The following ASIC2 variants were observed in gnomAD, a reference collection of about 807,000 sequenced individuals.
ASIC2 encodes acid sensing ion channel subunit 2, also known as acid-sensing ion channel 2.
In ASIC2, 25 loss-of-function variants were observed where a neutral mutation model predicts 57.3. The ratio of observed to expected loss-of-function variants is 0.44; its 90% CI spans 0.32 to 0.61. ASIC2 has a LOEUF of 0.61. ASIC2 is among the 20% of genes least tolerant of loss of function. The pLI is 0.06. For synonymous variants in ASIC2, 319 were observed against 307.5 expected, an observed-to-expected ratio of 1.04 and a Z score of -0.39; for missense variants, 641 against 738.1, an observed-to-expected ratio of 0.87 and a Z score of 1.52.
intron 1 of ASIC2, among the ~76,000 whole-genome samples, chr17:33,354,249 G>A (rs1908292920): frequency 6.6e-6 from 1 of 152,102 alleles, no homozygotes; most frequent in Non-Finnish European, 1.5e-5. Flanking sequence ...TATCACATGA[G>A]TCTCCTCAAG....
At chr17:33,400,184 A>G (rs1910232232) in intron 1 of ASIC2, among the ~76,000 whole-genome samples, 2 of 152,202 alleles carry the variant, frequency 1.3e-5, no homozygotes, top group Non-Finnish European at 2.9e-5. Context: ...GGTAGGATAT[A>G]TGGAAGGGAC....
intron 1 of ASIC2, chr17:33,793,436 A>T (rs1911828488): frequency 6.6e-6 from 1 of 152,240 alleles, no homozygotes; most frequent in Non-Finnish European, 1.5e-5. Flanking sequence ...GTACTTACTA[A>T]GTGCTGTGTG....
chr17:33,124,675 G>T (rs1237003669), intron 1 of ASIC2, among the ~76,000 whole-genome samples: 3 of 152,196 alleles, frequency 2.0e-5, no homozygotes, highest in Non-Finnish European at 4.4e-5. Flanking sequence ...CTGGTTTCAT[G>T]GGAGACAATT....
At chr17:33,661,204 G>A (rs969955591) in intron 1 of ASIC2, among the ~76,000 whole-genome samples, 7 of 152,314 alleles carry the variant, frequency 4.6e-5, no homozygotes, top group African/African-American at 1.7e-4. Flanking sequence ...GCCTCCAAGA[G>A]CAAGCACCCT....
intron 2 of ASIC2, 92 bp downstream of exon 2, chr17:33,111,825 A>C (rs1017140866): frequency 1.2e-4 from 183 of 1,491,606 alleles, no homozygotes; most frequent in Middle Eastern, 2.4e-4. Flanking sequence ...GCAGTCCCTC[A>C]CAGGGTGGGC....
chr17:33,849,932 T>A (rs1252241709), intron 1 of ASIC2, among the ~76,000 whole-genome samples: 1 of 152,208 alleles, frequency 6.6e-6, no homozygotes, highest in East Asian at 1.9e-4. Context: ...AATCAGTGGA[T>A]GCTGTTATAG....
At chr17:33,265,738 G>A (rs955298500) in intron 1 of ASIC2, among the ~76,000 whole-genome samples, 6 of 152,196 alleles carry the variant, frequency 3.9e-5, no homozygotes, top group Non-Finnish European at 5.9e-5. Context: ...TGGATTGGGT[G>A]TCTTCGCTCT....
intron 1 of ASIC2, among the ~76,000 whole-genome samples, chr17:33,740,211 A>G (rs1910066657): frequency 6.6e-6 from 1 of 152,226 alleles, no homozygotes; most frequent in Admixed American, 6.5e-5. Flanking sequence ...TCAAGGGCCC[A>G]AATATTATGA....
At chr17:33,460,004 C>T (rs570686183) in intron 1 of ASIC2, among the ~76,000 whole-genome samples, 1 of 151,690 alleles carries the variant, frequency 6.6e-6, no homozygotes, top group East Asian at 1.9e-4. Flanking sequence ...AAAAAAAAAA[C>T]CCAGACTTTT....
intron 2 of ASIC2, among the ~76,000 whole-genome samples, chr17:33,109,787 C>T (rs998928683): frequency 6.6e-6 from 1 of 152,222 alleles, no homozygotes; most frequent in African/African-American, 2.4e-5. Flanking sequence ...AGTCTTGGTT[C>T]AGCTATGAAC....
At chr17:33,751,207 C>G (rs902570) in intron 1 of ASIC2, among the ~76,000 whole-genome samples, 4 of 152,100 alleles carry the variant, frequency 2.6e-5, no homozygotes, top group African/African-American at 9.6e-5. Flanking sequence ...ACAGCCCTAT[C>G]ATTAATCAGA....
Position 34,008,141 on chromosome 17 carries a change from G to T in ASIC2, c.555+147837C>A, listed in dbSNP as rs116279629. On this transcript the variant is annotated intron_variant, in intron 1 of 9. Coordinates refer to the ASIC2 transcript ENST00000359872. ...TTTTTATTCATCCCATTTTACTGAT[G>T]CATACATTTAACCATTCTCCAAATG... 3.5e-3 allele frequency among the ~76,000 whole-genome samples: 536 copies of T among 152,290 alleles called. 7 individuals are homozygous for T. Among genetic ancestry groups the T allele is most frequent in the African/African-American group, 0.012 (498 of 41,548 alleles).
intron 1 of ASIC2, among the ~76,000 whole-genome samples, chr17:33,662,450 A>G (rs1368141669): frequency 6.7e-6 from 1 of 149,876 alleles, no homozygotes. Context: ...GTGAAACCCC[A>G]TCTCCACTAA....
At chr17:33,088,767 C>T (rs915398469) in intron 3 of ASIC2, 96 bp downstream of exon 3, 3 of 1,445,236 alleles carry the variant, frequency 2.1e-6, no homozygotes, top group Non-Finnish European at 2.7e-6. Context: ...CAGTAAAGCC[C>T]TTGACCGAGT....
intron 1 of ASIC2, among the ~76,000 whole-genome samples, chr17:33,205,105 C>T (rs1907012461): frequency 6.6e-6 from 1 of 152,228 alleles, no homozygotes; most frequent in Non-Finnish European, 1.5e-5. Flanking sequence ...CATGCAGTAG[C>T]CTCTCTAAAC....
At chr17:33,938,426 C>T (rs1467486052) in intron 1 of ASIC2, among the ~76,000 whole-genome samples, 2 of 152,174 alleles carry the variant, frequency 1.3e-5, no homozygotes, top group Non-Finnish European at 2.9e-5. Context: ...TGAACCCTTA[C>T]CAGCTCCTAC....
Position 33,292,708 on chromosome 17 carries a change from G to T in ASIC2, c.-593C>A, listed in dbSNP as rs542930591. ...GGCGCACCGCGGCTCCTGGCTGGGC[G>T]GGCGGGGTGGGTGTGTACGGGGGTG... On this transcript the variant is annotated 5_prime_UTR_variant, in exon 1 of 10. Coordinates refer to ENST00000225823, the MANE Select transcript of ASIC2 (RefSeq NM_183377.2). The T allele has an allele frequency of 1.1e-5, 11 of 985,580 alleles. No individual in the cohort carries two copies. In the African/African-American group the frequency reaches 1.9e-4, roughly 17 times the overall value. 61.1% of individuals were successfully genotyped at this position (985,580 alleles called of 1,614,324 possible).
intron 1 of ASIC2, among the ~76,000 whole-genome samples, chr17:34,057,909 T>G (rs1011900383): frequency 2.3e-5 from 3 of 132,364 alleles, no homozygotes; most frequent in African/African-American, 1.1e-4. Context: ...GTAGCTTTAT[T>G]CTTGTTCCCA....
Position 33,684,775 on chromosome 17 carries a change from T to C in ASIC2, c.555+471203A>G, listed in dbSNP as rs1400932008. Among the ~76,000 whole-genome samples, 5 of 148,692 alleles carry C rather than the reference T, an allele frequency of 3.4e-5. No individual in the cohort carries two copies. The East Asian group carries it at 9.7e-4, about 29-fold the overall frequency. ...AATTGAGGAAATCATATCCACGTCT[T>C]TTTTTTTTTAATTGTTGAAAAGATG... On this transcript the variant is annotated intron_variant, in intron 1 of 9. Coordinates refer to the ASIC2 transcript ENST00000359872.
Sources: gnomAD v4.1 joint callset for allele counts (sites outside exome capture counted in the v4.1 genomes callset) on GRCh38, gnomAD v4.1.1 for gene constraint, MANE v1.5 for transcripts, NCBI Gene and HGNC (gene_info 2026-07-23, HGNC 2026-07-21) for gene names.